The following RELN variants were observed in gnomAD, a reference collection of about 807,000 sequenced individuals.
RELN encodes the protein reelin.
Under a neutral mutation model 427.6 loss-of-function variants are expected in RELN, and 108 were observed. That is an observed-to-expected ratio of 0.25 (90% CI 0.22 to 0.30). The LOEUF is 0.30. Ranked by LOEUF, RELN falls within the 10% of genes least tolerant of loss-of-function variation. The pLI, the probability that RELN is intolerant of heterozygous loss-of-function variation, is 1.00. For missense variants in RELN, 3,715 were observed against 4,302.8 expected (o/e 0.86, Z 3.82); for synonymous variants, 1,524 against 1,513.4 (o/e 1.01, Z -0.16).
chr7:103,761,919 G>C (rs184444883), intron 4 of RELN, among the ~76,000 whole-genome samples: 4 of 152,140 alleles, frequency 2.6e-5, no homozygotes, highest in Non-Finnish European at 4.4e-5. Flanking sequence ...AACATTTAGA[G>C]GTTGGAAGGA....
chr7:103,722,447 C>T (rs758677718), intron 8 of RELN, among the ~76,000 whole-genome samples: 6 of 151,942 alleles, frequency 3.9e-5, no homozygotes, highest in Non-Finnish European at 7.4e-5. Context: ...GACCTAGGCC[C>T]CATTAAAAGA....
At chr7:103,546,172 T>TGACAACC (rs1448334450) in intron 41 of RELN, among the ~76,000 whole-genome samples, 1 of 152,194 alleles carries the variant, frequency 6.6e-6, no homozygotes, top group African/African-American at 2.4e-5. Flanking sequence ...CCCTGACAAC[T>TGACAACC]GACAACCACC....
At chr7:103,925,419 A>C (rs1795710992) in intron 1 of RELN, among the ~76,000 whole-genome samples, 1 of 152,150 alleles carries the variant, frequency 6.6e-6, no homozygotes, top group East Asian at 1.9e-4. Flanking sequence ...TTCTTTATAA[A>C]TGACACTTTA....
chr7:103,713,145 G>A (rs1789848045), intron 8 of RELN, among the ~76,000 whole-genome samples: 1 of 152,142 alleles, frequency 6.6e-6, no homozygotes, highest in African/African-American at 2.4e-5. Flanking sequence ...ATAGCATAGT[G>A]GGACCCATAA....
intron 63 of RELN, chr7:103,478,654 A>G (rs978024063): frequency 1.5e-5 from 5 of 337,950 alleles, no homozygotes; most frequent in African/African-American, 1.1e-4. Context: ...TAGCTGTAGT[A>G]CTACATTTGG....
At chr7:103,703,103 T>C (rs1026226740) in intron 8 of RELN, among the ~76,000 whole-genome samples, 2 of 152,054 alleles carry the variant, frequency 1.3e-5, no homozygotes, top group South Asian at 2.1e-4. Context: ...ATATGAGTGG[T>C]CAGTCAGTGG....
chr7:103,814,815 A>G (rs186219681), intron 3 of RELN, among the ~76,000 whole-genome samples: 1 of 152,272 alleles, frequency 6.6e-6, no homozygotes, highest in African/African-American at 2.4e-5. Context: ...TTTTAAAGTG[A>G]GAGTTTAGGT....
In RELN at chr7:103,555,075, G is replaced by A. The variant is rs548683643; in HGVS notation, c.5798-1244C>T. On this transcript the variant is annotated intron_variant, in intron 38 of 64. Transcript: ENST00000428762. ...TCTGGAGATACTGTGGGAATATATA[G>A]GAAACTAGGGAAATCACCCTTTATA... Among the ~76,000 whole-genome samples, 6 of 152,180 alleles carry A rather than the reference G, an allele frequency of 3.9e-5. No individual in the cohort carries two copies. The South Asian group carries it at 1.2e-3, about 32-fold the overall frequency.
At chr7:103,894,321 T>C (rs1228385003) in intron 2 of RELN, among the ~76,000 whole-genome samples, 2 of 152,184 alleles carry the variant, frequency 1.3e-5, no homozygotes, top group Non-Finnish European at 2.9e-5. Context: ...ATAGTTTTAA[T>C]CAACAGCATG....
intron 33 of RELN, 79 bp from the exon 34 acceptor site, chr7:103,565,630 T>C (rs1264836527): frequency 6.4e-6 from 9 of 1,397,030 alleles, no homozygotes; most frequent in Non-Finnish European, 8.9e-6. Context: ...AATAAACATC[T>C]TCAATAGCAA....
intron 28 of RELN, among the ~76,000 whole-genome samples, chr7:103,580,561 T>A (rs1267376569): frequency 6.6e-6 from 1 of 152,226 alleles, no homozygotes; most frequent in Non-Finnish European, 1.5e-5. Context: ...TTCAGGTGTG[T>A]ATATATTTAA....
chr7:103,909,838 A>G (rs1183787433), intron 2 of RELN, among the ~76,000 whole-genome samples: 5 of 5,958 alleles, frequency 8.4e-4, no homozygotes, highest in Admixed American at 4.6e-3. Flanking sequence ...TATATATTTA[A>G]TATATATATT....
intron 1 of RELN, among the ~76,000 whole-genome samples, chr7:103,917,968 GA>G (rs1795524345): frequency 6.6e-6 from 1 of 152,054 alleles, no homozygotes; most frequent in African/African-American, 2.4e-5. Flanking sequence ...AGATTGAGAT[GA>G]TGCCATTTGT....
chr7:103,908,365 C>T (rs775465911), intron 2 of RELN, among the ~76,000 whole-genome samples: 1 of 152,122 alleles, frequency 6.6e-6, no homozygotes, highest in Admixed American at 6.6e-5. Context: ...GGTATTTGAA[C>T]TGATAATCTC....
chr7:103,814,295 G>C (rs988199856), intron 3 of RELN, among the ~76,000 whole-genome samples: 2 of 152,188 alleles, frequency 1.3e-5, no homozygotes, highest in Non-Finnish European at 2.9e-5. Context: ...AAGACATTTA[G>C]AGAGTTACAT....
chr7:103,812,695 CT>C (rs1476417685), intron 3 of RELN, among the ~76,000 whole-genome samples: 1 of 152,190 alleles, frequency 6.6e-6, no homozygotes, highest in Non-Finnish European at 1.5e-5. Context: ...CTGAATTAAT[CT>C]GTAATCAAGT....
rs775663896 is a variant in RELN at position 103,604,494 on chromosome 7, G to A, written c.3009-11C>T. On this transcript the variant is annotated splice_polypyrimidine_tract_variant and intron_variant, in intron 22 of 64. Transcript: ENST00000428762. Reference sequence around the variant, plus strand: ...CGGGTAGCACTGGACCTAGAAACACGGTATAGTATAACAAAAACGGTTTCA... The same window carrying A: ...CGGGTAGCACTGGACCTAGAAACACAGTATAGTATAACAAAAACGGTTTCA... The A allele has an allele frequency of 2.6e-5, 42 of 1,613,538 alleles. No homozygotes were observed. The highest frequency in any genetic ancestry group is 3.1e-5 in the Non-Finnish European group (37 of 1,179,702).
chr7:103,535,977 G>A (rs1830042291), intron 45 of RELN, among the ~76,000 whole-genome samples: 1 of 151,722 alleles, frequency 6.6e-6, no homozygotes, highest in African/African-American at 2.4e-5. Flanking sequence ...TACAAATAAG[G>A]AACATATTAT....
intron 2 of RELN, among the ~76,000 whole-genome samples, chr7:103,882,921 C>A (rs1418838556): frequency 6.6e-6 from 1 of 152,168 alleles, no homozygotes; most frequent in African/African-American, 2.4e-5. Flanking sequence ...AGGGACTCCT[C>A]CCTAACTCAC....
Sources: allele counts gnomAD v4.1 joint callset (sites outside exome capture counted in the v4.1 genomes callset), GRCh38; gene constraint gnomAD v4.1.1; transcripts MANE v1.5; gene names NCBI Gene and HGNC (gene_info 2026-07-23, HGNC 2026-07-21).